RARB: variants seen among roughly 807,000 people sequenced by gnomAD.
RARB encodes the protein retinoic acid receptor beta, also known as HBV-activated protein.
A neutral mutation model predicts 51.9 loss-of-function variants in RARB; 17 were observed. The ratio of observed to expected loss-of-function variants is 0.33; its 90% confidence interval spans 0.22 to 0.49. The LOEUF is 0.49. Ranked by LOEUF, RARB falls within the 20% of genes least tolerant of loss-of-function variation. The probability of loss-of-function intolerance (pLI) is 0.99; values close to 1 mark genes in which losing one functional copy is unlikely to be tolerated. For synonymous variants in RARB, 215 were observed against 195.4 expected, an observed-to-expected ratio of 1.10 and a Z score of -0.84; for missense variants, 369 against 550.8, an observed-to-expected ratio of 0.67 and a Z score of 3.30.
intron 1 of RARB, among the ~76,000 whole-genome samples, chr3:25,438,870 A>G (rs1259802115): frequency 6.6e-6 from 1 of 152,190 alleles, no homozygotes; most frequent in Non-Finnish European, 1.5e-5. Flanking sequence ...TGATTACATT[A>G]TTTTCTCTAC....
chr3:25,335,631 A>G (rs114825018), intron 5 of RARB, among the ~76,000 whole-genome samples: 1,849 of 152,290 alleles, frequency 0.012, 38 homozygotes, highest in African/African-American at 0.043. Flanking sequence ...CTGGCTGTCA[A>G]CTGAAAGGCC....
intron 2 of RARB, among the ~76,000 whole-genome samples, chr3:25,028,594 G>T (rs972989588): frequency 6.6e-6 from 1 of 152,186 alleles, no homozygotes. Context: ...GATTTTAGAA[G>T]AGGGAGAAGG....
At chr3:24,965,094 G>A (rs1213546367) in intron 2 of RARB, among the ~76,000 whole-genome samples, 1 of 152,102 alleles carries the variant, frequency 6.6e-6, no homozygotes, top group East Asian at 1.9e-4. Flanking sequence ...TCTACATTGG[G>A]TGCTAGAAAT....
At chr3:25,035,090 C>T (rs1697958430) in intron 2 of RARB, among the ~76,000 whole-genome samples, 1 of 152,108 alleles carries the variant, frequency 6.6e-6, no homozygotes, top group African/African-American at 2.4e-5. Flanking sequence ...ATTTATTTAA[C>T]CCTTATCACA....
chr3:25,370,564 C>T (rs769447905), intron 5 of RARB, among the ~76,000 whole-genome samples: 28 of 152,200 alleles, frequency 1.8e-4, no homozygotes, highest in Middle Eastern at 6.8e-3. Context: ...TTTTGGAGAG[C>T]GTAACTAGTC....
chr3:25,088,091 G>A (rs1699133723), intron 3 of RARB, among the ~76,000 whole-genome samples: 1 of 151,962 alleles, frequency 6.6e-6, no homozygotes, highest in African/African-American at 2.4e-5. Flanking sequence ...GGGGCGGAGG[G>A]AGATAAGCAA....
At chr3:25,590,384 C>G (rs983434384) in intron 5 of RARB, among the ~76,000 whole-genome samples, 1 of 152,068 alleles carries the variant, frequency 6.6e-6, no homozygotes, top group African/African-American at 2.4e-5. Flanking sequence ...TCATTTTTTG[C>G]AGGGGACAGA....
chr3:25,449,683 A>G (rs1055048516), intron 1 of RARB, among the ~76,000 whole-genome samples: 17 of 151,888 alleles, frequency 1.1e-4, no homozygotes, highest in Admixed American at 2.0e-4. Context: ...ACCTAACCAC[A>G]TTATACCTCT....
At position 24,997,399 on chromosome 3, in the gene RARB, AGTCTT is replaced by A. The variant is rs1197933941; in HGVS notation, c.-379-62725_-379-62721del. ...AGTTGGGTCTTTTTTTTTTTAATCT[AGTCTT>A]TATCTTTTAAGTTGAGAATGTACTC... On this transcript the variant is annotated intron_variant, in intron 2 of 11. Transcript: ENST00000383772. Among the ~76,000 whole-genome samples the A allele has an allele frequency of 9.3e-5, 14 of 150,126 alleles. No individual in the cohort carries two copies. The East Asian group carries it at 2.8e-3, about 30-fold the overall frequency.
chr3:25,298,235 T>G (rs1490620352), intron 5 of RARB, among the ~76,000 whole-genome samples: 1 of 151,420 alleles, frequency 6.6e-6, no homozygotes, highest in African/African-American at 2.4e-5. Context: ...CAGGCTGAAG[T>G]GCAGTGGTGC....
At chr3:25,417,244 G>A (rs1371300382) in intron 5 of RARB, among the ~76,000 whole-genome samples, 3 of 151,340 alleles carry the variant, frequency 2.0e-5, no homozygotes, top group Admixed American at 6.6e-5. Context: ...TGAAGTGTGT[G>A]AGAATGGAAA....
At chr3:24,934,636 T>G (rs952681779) in intron 2 of RARB, among the ~76,000 whole-genome samples, 2 of 152,112 alleles carry the variant, frequency 1.3e-5, no homozygotes, top group Admixed American at 6.6e-5. Flanking sequence ...TTAGTAAAAG[T>G]TTTGGTTGCT....
chr3:25,215,905 C>T (rs1300706849), intron 5 of RARB, among the ~76,000 whole-genome samples: 2 of 152,156 alleles, frequency 1.3e-5, no homozygotes, highest in African/African-American at 4.8e-5. Flanking sequence ...TCATACCAAA[C>T]TGAAACTGGC....
At position 24,958,255 on chromosome 3, in the gene RARB, G is replaced by GTTTTGTT. The variant is rs1314564374; in HGVS notation, c.-380+99507_-380+99508insGTTTTTT. On this transcript the variant is annotated intron_variant, in intron 2 of 11. Coordinates refer to the RARB transcript ENST00000383772. ...ACCTGAAGCTTCCTGAGCTGCTCAG[G>GTTTTGTT]TTTTTTTTTTTTTTTTTTTTTTTTT... Among the ~76,000 whole-genome samples the GTTTTGTT allele has an allele frequency of 7.7e-3, 532 of 69,454 alleles. 16 individuals are homozygous for GTTTTGTT. Among genetic ancestry groups the GTTTTGTT allele is most frequent in the East Asian group, 0.015 (28 of 1,930 alleles). The allele number at this position is 69,454 out of a possible 152,430, so 45.6% of individuals were successfully genotyped here.
chr3:25,486,040 T>A (rs1017995390), intron 2 of RARB, among the ~76,000 whole-genome samples: 1 of 152,240 alleles, frequency 6.6e-6, no homozygotes, highest in Admixed American at 6.5e-5. Context: ...ATATCAGATA[T>A]GATGCAGTTC....
At chr3:25,056,099 T>C (rs1698436144) in intron 2 of RARB, among the ~76,000 whole-genome samples, 3 of 152,098 alleles carry the variant, frequency 2.0e-5, no homozygotes, top group African/African-American at 7.2e-5. Context: ...CAAAGCCCAA[T>C]GTGCAGGGAG....
At chr3:25,182,555 G>C (rs1488623004) in intron 5 of RARB, among the ~76,000 whole-genome samples, 1 of 152,138 alleles carries the variant, frequency 6.6e-6, no homozygotes, top group Non-Finnish European at 1.5e-5. Context: ...TCACTCTTCT[G>C]ATATATATTT....
chr3:25,581,359 A>G (rs1163442149), intron 5 of RARB, among the ~76,000 whole-genome samples: 2 of 152,064 alleles, frequency 1.3e-5, no homozygotes. Flanking sequence ...CACTTTCTCC[A>G]TGGGCCTCCC....
chr3:24,983,931 TAAAC>T (rs1420795298), intron 2 of RARB, among the ~76,000 whole-genome samples: 1 of 152,112 alleles, frequency 6.6e-6, no homozygotes, highest in South Asian at 2.1e-4. Flanking sequence ...TGCAATAAAA[TAAAC>T]CAAATGAAAA....
Sources: gnomAD v4.1 joint callset for allele counts (sites outside exome capture counted in the v4.1 genomes callset) on GRCh38, gnomAD v4.1.1 for gene constraint, MANE v1.5 for transcripts, NCBI Gene and HGNC (gene_info 2026-07-23, HGNC 2026-07-21) for gene names.